The following GALNT13 variants were observed in gnomAD, a reference collection of about 807,000 sequenced individuals.
GALNT13 encodes polypeptide N-acetylgalactosaminyltransferase 13, also known as UDP-GalNAc:polypeptide N-acetylgalactosaminyltransferase 13.
Under a neutral mutation model 64.2 loss-of-function variants are expected in GALNT13, and 28 were observed. That is an observed-to-expected ratio of 0.44 (90% CI 0.32 to 0.60). GALNT13 has a LOEUF of 0.60. Ranked by LOEUF, GALNT13 falls within the 20% of genes least tolerant of loss-of-function variation. The pLI, the probability that GALNT13 is intolerant of heterozygous loss-of-function variation, is 0.05. For missense variants in GALNT13, 577 were observed against 669.8 expected (o/e 0.86, Z 1.53); for synonymous variants, 214 against 224.6 (o/e 0.95, Z 0.42).
At chr2:153,453,427 CA>C in the GALNT13 span, among the ~76,000 whole-genome samples, 1 of 151,960 alleles carries the variant, frequency 6.6e-6, no homozygotes, top group Non-Finnish European at 1.5e-5. Context: ...GAACAATAAA[CA>C]ATATATAACC....
chr2:153,277,927 C>CTTTTTTTTTT, the GALNT13 span, among the ~76,000 whole-genome samples: 53 of 80,094 alleles, frequency 6.6e-4, 1 homozygote, highest in Non-Finnish European at 8.3e-4. Flanking sequence ...TCTTTTCTTT[C>CTTTTTTTTTT]TTTTTTTTTT....
At chr2:153,792,410 G>A in the GALNT13 span, among the ~76,000 whole-genome samples, 1 of 152,146 alleles carries the variant, frequency 6.6e-6, no homozygotes, top group South Asian at 2.1e-4. Context: ...GGATGTGCAT[G>A]GGTTATATGC....
At chr2:153,131,067 T>C in the GALNT13 span, among the ~76,000 whole-genome samples, 1 of 152,164 alleles carries the variant, frequency 6.6e-6, no homozygotes, top group Non-Finnish European at 1.5e-5. Context: ...CTAAAGTCTC[T>C]TATGGTACAG....
the GALNT13 span, among the ~76,000 whole-genome samples, chr2:153,250,008 A>T: frequency 6.6e-6 from 1 of 152,320 alleles, no homozygotes; most frequent in East Asian, 1.9e-4. Flanking sequence ...CACAAAAAGC[A>T]ACTGCAACAG....
the GALNT13 span, among the ~76,000 whole-genome samples, chr2:153,697,106 A>G: frequency 1.3e-5 from 2 of 152,164 alleles, no homozygotes; most frequent in African/African-American, 4.8e-5. Flanking sequence ...TTTCAGAGGT[A>G]GTTCCTCACA....
chr2:153,406,144 A>G, the GALNT13 span, among the ~76,000 whole-genome samples: 2 of 152,074 alleles, frequency 1.3e-5, no homozygotes, highest in Non-Finnish European at 2.9e-5. Flanking sequence ...ACACAAAAAA[A>G]TTTTCCCTGT....
the GALNT13 span, among the ~76,000 whole-genome samples, chr2:153,661,503 A>C: frequency 6.6e-6 from 1 of 152,294 alleles, no homozygotes; most frequent in African/African-American, 2.4e-5. Flanking sequence ...AAGCATACTA[A>C]TTGTAAGAAG....
At chr2:153,476,340 C>G in the GALNT13 span, among the ~76,000 whole-genome samples, 6 of 152,162 alleles carry the variant, frequency 3.9e-5, no homozygotes, top group African/African-American at 1.4e-4. Flanking sequence ...TTTAGTTACT[C>G]TTATAGCTGC....
At chr2:154,309,387 T>G (rs1415991798) in intron 9 of GALNT13, among the ~76,000 whole-genome samples, 3 of 152,172 alleles carry the variant, frequency 2.0e-5, no homozygotes, top group Non-Finnish European at 2.9e-5. Flanking sequence ...GTCTGTTTTG[T>G]GTTGCTATAA....
At chr2:153,400,795 G>A in the GALNT13 span, among the ~76,000 whole-genome samples, 4 of 151,912 alleles carry the variant, frequency 2.6e-5, no homozygotes, top group Admixed American at 6.6e-5. Flanking sequence ...TTTTTATTGT[G>A]TCTATTTGAT....
intron 7 of GALNT13, among the ~76,000 whole-genome samples, chr2:154,246,186 C>T (rs1404772217): frequency 6.6e-6 from 1 of 151,786 alleles, no homozygotes; most frequent in Non-Finnish European, 1.5e-5. Flanking sequence ...TAAGTATTGG[C>T]AAAAATGCTA....
the GALNT13 span, among the ~76,000 whole-genome samples, chr2:153,400,582 G>A: frequency 6.6e-6 from 1 of 152,044 alleles, no homozygotes; most frequent in Non-Finnish European, 1.5e-5. Flanking sequence ...GTAAGCTATT[G>A]ATTATTGCCA....
At chr2:153,717,186 T>C in the GALNT13 span, among the ~76,000 whole-genome samples, 3 of 152,202 alleles carry the variant, frequency 2.0e-5, no homozygotes, top group Non-Finnish European at 4.4e-5. Context: ...ATAATAAACA[T>C]TCTGCTTTGC....
At chr2:153,300,241 A>G in the GALNT13 span, among the ~76,000 whole-genome samples, 4 of 152,168 alleles carry the variant, frequency 2.6e-5, no homozygotes, top group African/African-American at 9.7e-5. Context: ...TAGGTTCCCC[A>G]CTTTCTTCTC....
At chr2:153,087,935 T>C in the GALNT13 span, among the ~76,000 whole-genome samples, 1 of 152,192 alleles carries the variant, frequency 6.6e-6, no homozygotes, top group Non-Finnish European at 1.5e-5. Flanking sequence ...GTTTCATTTA[T>C]GTTTTGTATT....
At chr2:153,189,645 T>G in the GALNT13 span, among the ~76,000 whole-genome samples, 1 of 152,126 alleles carries the variant, frequency 6.6e-6, no homozygotes, top group Non-Finnish European at 1.5e-5. Context: ...TGTATGGTGG[T>G]TCTATTTTTA....
chr2:153,081,689 G>T, the GALNT13 span, among the ~76,000 whole-genome samples: 2 of 152,134 alleles, frequency 1.3e-5, no homozygotes, highest in Admixed American at 6.6e-5. Context: ...TGTTGCAAAT[G>T]ACTAGATCTC....
At chr2:153,441,161 C>T in the GALNT13 span, among the ~76,000 whole-genome samples, 1 of 152,184 alleles carries the variant, frequency 6.6e-6, no homozygotes, top group Non-Finnish European at 1.5e-5. Flanking sequence ...CAGATTTCTG[C>T]ATATGGCTGG....
chr2:153,588,488 T>C, the GALNT13 span, among the ~76,000 whole-genome samples: 8 of 152,310 alleles, frequency 5.3e-5, no homozygotes, highest in East Asian at 1.5e-3. Context: ...CTGCCAAAAC[T>C]TGGGGCTTGC....
Sources: allele counts gnomAD v4.1 joint callset (sites outside exome capture counted in the v4.1 genomes callset), GRCh38; gene constraint gnomAD v4.1.1; transcripts MANE v1.5; gene names NCBI Gene and HGNC (gene_info 2026-07-23, HGNC 2026-07-21).